Variants in PKD1L3 observed in about 807,000 individuals in gnomAD.
PKD1L3 encodes the protein polycystin 1 like 3, transient receptor potential channel interacting, also known as polycystin-1-like protein 3.
PKD1L3 carries 239 observed loss-of-function variants against 184.1 expected under a neutral mutation model. The ratio of observed to expected loss-of-function variants is 1.30; its 90% CI spans 1.17 to 1.45. The LOEUF is 1.45. Among genes scored for constraint, PKD1L3 ranks in the 40% most tolerant of loss-of-function variants. The pLI is 0.00. For missense variants in PKD1L3, 2,660 were observed against 2,067.2 expected (o/e 1.29, Z -5.56); for synonymous variants, 996 against 778.8 (o/e 1.28, Z -4.64).
chr16:71,944,099 T>A lies in PKD1L3; in HGVS notation c.3790A>T (p.Ser1264Cys). 1 of 1,551,796 alleles carries A rather than the reference T, an allele frequency of 6.4e-7. No individual in the cohort carries two copies. Among genetic ancestry groups the A allele is most frequent in the Non-Finnish European group, 8.7e-7 (1 of 1,146,762 alleles). ...GTTCTTTCTGGGTGCTTAGTTGGACTATTTATAGCTGGGGCTACATAGACG... is the reference window on the plus strand; with the variant it reads ...GTTCTTTCTGGGTGCTTAGTTGGACAATTTATAGCTGGGGCTACATAGACG... ...NPVYVAPAIN[S>C]PTKHPERTLK... Residue 1264 changes from serine (S) to cysteine (C), a missense_variant, in exon 23 of 30, where the codon AGT (serine) becomes TGT (cysteine). Physicochemically the swap from Ser to Cys is moderately radical, Grantham distance 112. Transcript: ENST00000620267.
chr16:71,944,772 C>A (rs1327908189), intron 22 of PKD1L3, among the ~76,000 whole-genome samples: 3 of 141,878 alleles, frequency 2.1e-5, no homozygotes, highest in Non-Finnish European at 3.0e-5. Context: ...GATCTTGGCT[C>A]ACTGCAGTCT....
intron 22 of PKD1L3, among the ~76,000 whole-genome samples, chr16:71,946,500 A>G (rs2038608057): frequency 1.3e-5 from 2 of 151,936 alleles, no homozygotes; most frequent in African/African-American, 4.8e-5. Context: ...GTTTTGCCCA[A>G]GATTGTGTTT....
At chr16:71,947,428 C>A in intron 22 of PKD1L3, 64 bp downstream of exon 22, 1 of 1,051,700 alleles carries the variant, frequency 9.5e-7, no homozygotes, top group Non-Finnish European at 1.4e-6. Flanking sequence ...ATCGAGTCAG[C>A]AAGGTGGCCA....
chr16:71,998,528 G>T, intron 1 of PKD1L3, 134 bp from the exon 2 acceptor site: 1 of 1,216,214 alleles, frequency 8.2e-7, no homozygotes, highest in South Asian at 1.9e-5. Context: ...TTCACTCACT[G>T]CAATCTCTGC....
At position 71,993,338 on chromosome 16, in the gene PKD1L3, T is replaced by G. The variant is rs1221610346; in HGVS notation, c.419-6A>C. ...ATCTCCGTCCAAAAAGTCACCTATT[T>G]GAAAGCCAACACACAAGTTAATTTA... On this transcript the variant is annotated splice_region_variant and splice_polypyrimidine_tract_variant and intron_variant, in intron 2 of 29. Transcript: ENST00000620267. 1.3e-6 allele frequency: 2 copies of G among 1,520,216 alleles called. No individual in the cohort carries two copies. The highest frequency in any genetic ancestry group is 4.0e-5 in the Admixed American group (2 of 49,916). The allele number at this position is 1,520,216 out of a possible 1,614,324, so 94.2% of individuals were successfully genotyped here. A position where few individuals can be genotyped will look rare whatever the true frequency, so the allele number is the denominator to read the frequency against.
chr16:71,941,108 G>C (rs2038344290), intron 24 of PKD1L3, among the ~76,000 whole-genome samples: 1 of 152,070 alleles, frequency 6.6e-6, no homozygotes, highest in Non-Finnish European at 1.5e-5. Flanking sequence ...AAAGTGCTGG[G>C]ATTATAGGCT....
chr16:71,982,278 CTTTT>C (rs35324670), intron 6 of PKD1L3, 43 bp from the exon 7 acceptor site: 5,981 of 428,990 alleles, frequency 0.014, no homozygotes, highest in South Asian at 0.022. Flanking sequence ...GAATTGTTTG[CTTTT>C]TTTTTTTTTT....
chr16:71,967,272 T>C lies in PKD1L3; in HGVS notation c.2330A>G (p.His777Arg). The C allele has an allele frequency of 6.4e-7, 1 of 1,551,628 alleles. No homozygotes were observed. The highest frequency in any genetic ancestry group is 8.7e-7 in the Non-Finnish European group (1 of 1,146,940). ...LYGSEGRSEP[H>R]HLCDPQKTVF... ...TGTCTTCTGGGGGTCACAGAGGTGA[T>C]GGGGCTCACTCCGTCCCTCTGATCC... The change falls in exon 15 of 30, where the codon CAT (histidine) becomes CGT (arginine). Residue 777 changes from histidine (H) to arginine (R), a missense_variant. Transcript: ENST00000620267.
At chr16:71,961,413 G>A (rs753036217) in intron 16 of PKD1L3, among the ~76,000 whole-genome samples, 4 of 152,088 alleles carry the variant, frequency 2.6e-5, no homozygotes, top group Admixed American at 2.0e-4. Flanking sequence ...GTGAGACACC[G>A]TACCTTGGCC....
chr16:71,951,835 T>C (rs1398603841), intron 18 of PKD1L3, 91 bp from the exon 19 acceptor site: 6 of 1,184,688 alleles, frequency 5.1e-6, no homozygotes, highest in South Asian at 3.2e-5. Flanking sequence ...TTCCCTTTCG[T>C]CAGAAGGGGA....
intron 12 of PKD1L3, among the ~76,000 whole-genome samples, chr16:71,970,442 T>C (rs183319155): frequency 6.6e-6 from 1 of 152,318 alleles, no homozygotes; most frequent in African/African-American, 2.4e-5. Context: ...ACATGTTCAA[T>C]AGCAGAACAT....
chr16:71,986,778 T>C (rs2040384004), intron 4 of PKD1L3, among the ~76,000 whole-genome samples: 1 of 152,174 alleles, frequency 6.6e-6, no homozygotes, highest in African/African-American at 2.4e-5. Flanking sequence ...GTTCCTGCGC[T>C]TGTCGAGCCC....
At chr16:71,968,097 C>T (rs961639214) in intron 13 of PKD1L3, 90 bp from the exon 14 acceptor site, 9 of 1,036,224 alleles carry the variant, frequency 8.7e-6, no homozygotes, top group East Asian at 2.6e-5. Context: ...GGATGAACTC[C>T]GGCAGGTGTC....
chr16:71,950,979 G>A (rs1597306598), intron 19 of PKD1L3, among the ~76,000 whole-genome samples: 2 of 151,906 alleles, frequency 1.3e-5, no homozygotes, highest in African/African-American at 2.4e-5. Context: ...CTGACCTCAG[G>A]TGATCTGCAT....
At position 71,930,193 on chromosome 16, in the gene PKD1L3, C is replaced by T. The variant is rs1597266659; in HGVS notation, c.4927-10G>A. The T allele has an allele frequency of 1.3e-6, 2 of 1,538,012 alleles. No homozygotes were observed. The highest frequency in any genetic ancestry group is 1.2e-5 in the South Asian group (1 of 82,678). ...GGTCTAAAGCGAAAACCTGGGAAAA[C>T]AATAAGAACACTTGCAGTGACTGAC... On this transcript the variant is annotated splice_polypyrimidine_tract_variant and intron_variant, in intron 28 of 29. Coordinates refer to ENST00000620267, the MANE Select transcript of PKD1L3 (RefSeq NM_181536.2).
At chr16:71,962,347 A>G (rs2039313222) in intron 16 of PKD1L3, among the ~76,000 whole-genome samples, 1 of 152,198 alleles carries the variant, frequency 6.6e-6, no homozygotes, top group African/African-American at 2.4e-5. Flanking sequence ...ATATTCTCCT[A>G]GGAATATTCT....
rs148593546 is a variant in PKD1L3 at position 71,987,592 on chromosome 16, T to C, written c.586-1123A>G. Reference sequence around the variant, plus strand: ...TTCACCACCATGTTGCCCAGGCTGGTCTCAAACTCCTGACCTCAAGTGATC... The same window carrying C: ...TTCACCACCATGTTGCCCAGGCTGGCCTCAAACTCCTGACCTCAAGTGATC... On this transcript the variant is annotated intron_variant, in intron 4 of 29. Coordinates refer to ENST00000620267, the MANE Select transcript of PKD1L3 (RefSeq NM_181536.2). Among the ~76,000 whole-genome samples, 1,035 of 151,692 alleles carry C rather than the reference T, an allele frequency of 6.8e-3. 10 individuals are homozygous for C. Among genetic ancestry groups the C allele is most frequent in the African/African-American group, 0.022 (914 of 41,362 alleles).
At chr16:71,940,769 G>C (rs971087780) in intron 24 of PKD1L3, among the ~76,000 whole-genome samples, 5 of 151,998 alleles carry the variant, frequency 3.3e-5, no homozygotes, top group African/African-American at 1.2e-4. Context: ...CAAAGTGCTG[G>C]GATTACAGGT....
At position 71,942,902 on chromosome 16, in the gene PKD1L3, G is replaced by T. The variant is rs758261839; in HGVS notation, c.3982C>A (p.Leu1328Ile). ...TTGGCCCAGGGGTAGAAATCCTGAA[G>T]AAGTTTGATTTCCGAGAACTGGTGC... ...FSHQFSEIKL[L>I]QDFYPWANHI... is the part of the protein sequence containing the mutation. The change falls in exon 24 of 30, where the codon CTT becomes ATT. Residue 1328 changes from leucine (L) to isoleucine (I), a missense_variant. By Grantham distance (5) the Leu-to-Ile change is conservative. Coordinates refer to ENST00000620267, the MANE Select transcript of PKD1L3 (RefSeq NM_181536.2). 1 of 1,551,558 alleles carries T rather than the reference G, an allele frequency of 6.4e-7. No individual in the cohort carries two copies. The highest frequency in any genetic ancestry group is 1.2e-5 in the South Asian group (1 of 84,062).
Sources: allele counts gnomAD v4.1 joint callset (sites outside exome capture counted in the v4.1 genomes callset), GRCh38; gene constraint gnomAD v4.1.1; transcripts MANE v1.5; gene names NCBI Gene and HGNC (gene_info 2026-07-23, HGNC 2026-07-21).